Variants in GPR149 observed in about 807,000 individuals in gnomAD.
GPR149 encodes probable G protein-coupled receptor 149.
In GPR149, 50 loss-of-function variants were observed where a neutral mutation model predicts 50.2. That is an observed-to-expected ratio of 1.00 (90% CI 0.79 to 1.26). GPR149 has a LOEUF of 1.26. GPR149 is among the 50% of genes most tolerant of loss of function. The pLI is 0.00. For synonymous variants in GPR149, 405 were observed against 358.2 expected (o/e 1.13, Z -1.48); for missense variants, 983 against 895.4 (o/e 1.10, Z -1.25).
intron 3 of GPR149, among the ~76,000 whole-genome samples, chr3:154,411,547 A>G (rs544684049): frequency 6.6e-6 from 1 of 152,152 alleles, no homozygotes; most frequent in Non-Finnish European, 1.5e-5. Flanking sequence ...AATACAGAAG[A>G]TTATTCAAGG....
At chr3:154,361,348 G>C (rs1011987826) in intron 3 of GPR149, among the ~76,000 whole-genome samples, 8 of 152,152 alleles carry the variant, frequency 5.3e-5, no homozygotes, top group African/African-American at 1.7e-4. Context: ...TTCCTGGGGA[G>C]AGAATAGCAT....
chr3:154,415,456 A>G (rs1268591077), intron 3 of GPR149, among the ~76,000 whole-genome samples: 1 of 151,954 alleles, frequency 6.6e-6, no homozygotes, highest in Non-Finnish European at 1.5e-5. Flanking sequence ...ACTTGAGAAC[A>G]AATTTATATT....
At chr3:154,347,172 C>T (rs1337259136) in intron 3 of GPR149, among the ~76,000 whole-genome samples, 1 of 152,180 alleles carries the variant, frequency 6.6e-6, no homozygotes, top group Non-Finnish European at 1.5e-5. Flanking sequence ...TATATGCTGG[C>T]ATTGCACTTG....
At chr3:154,347,634 A>G (rs1713966962) in intron 3 of GPR149, among the ~76,000 whole-genome samples, 1 of 152,258 alleles carries the variant, frequency 6.6e-6, no homozygotes, top group Non-Finnish European at 1.5e-5. Flanking sequence ...AATTATTTAC[A>G]TTTTACAGAC....
intron 3 of GPR149, among the ~76,000 whole-genome samples, chr3:154,406,041 T>C (rs1711677089): frequency 6.6e-6 from 1 of 151,982 alleles, no homozygotes; most frequent in Admixed American, 6.6e-5. Context: ...GAACTAATAT[T>C]TCTAATATGT....
chr3:154,426,873 TGTGTG>T (rs1336043477), intron 2 of GPR149, among the ~76,000 whole-genome samples: 13 of 3,404 alleles, frequency 3.8e-3, no homozygotes, highest in Non-Finnish European at 0.013. Context: ...GACCAGGGCG[TGTGTG>T]TGTGTGTGTG....
At chr3:154,373,684 G>A (rs1714718917) in intron 3 of GPR149, among the ~76,000 whole-genome samples, 1 of 152,078 alleles carries the variant, frequency 6.6e-6, no homozygotes, top group South Asian at 2.1e-4. Context: ...CTACCTTCTT[G>A]TACTTAAATG....
rs764926533 is a variant in GPR149 at position 154,429,059 on chromosome 3, C to T, written c.557G>A (p.Cys186Tyr). Residue 186 changes from cysteine to tyrosine, a missense_variant, in exon 1 of 4, where the codon TGC (cysteine) becomes TAC (tyrosine). Physicochemically the swap from Cys to Tyr is radical, Grantham distance 194. Transcript: ENST00000389740. ...GAGGAATAGTACGTAGGAGCTGGAG[C>T]AGTCCACCAGGCAGCCCCAGGGCGT... ...VRTPWGCLVD[C>Y]SSSYVLFLSI... 15 of 1,613,918 alleles carry T rather than the reference C, an allele frequency of 9.3e-6. No homozygotes were observed. In the East Asian group the frequency reaches 2.9e-4, roughly 31 times the overall value.
At chr3:154,425,651 C>T (rs934316436) in intron 2 of GPR149, among the ~76,000 whole-genome samples, 12 of 151,970 alleles carry the variant, frequency 7.9e-5, no homozygotes, top group Admixed American at 3.3e-4. Flanking sequence ...TTTCATAAGC[C>T]TTCATATTTC....
chr3:154,376,407 A>G (rs1714793609), intron 3 of GPR149, among the ~76,000 whole-genome samples: 1 of 152,198 alleles, frequency 6.6e-6, no homozygotes, highest in Non-Finnish European at 1.5e-5. Flanking sequence ...ATATAAGTCA[A>G]TTTTCCCTGT....
chr3:154,421,344 C>G lies in GPR149; in HGVS notation c.1318G>C (p.Asp440His). Residue 440 changes from aspartate (D) to histidine (H), a missense_variant, in exon 3 of 4, where the codon GAC becomes CAC. Asp to His is a moderately conservative substitution (Grantham distance 81). Transcript: ENST00000389740. ...ATGTTACGGTTGTCTCTCTGAGGGTCTTTTGTAGTTTCACACTCAGAGTTC... is the reference window on the plus strand; with the variant it reads ...ATGTTACGGTTGTCTCTCTGAGGGTGTTTTGTAGTTTCACACTCAGAGTTC... The part of the protein sequence containing the change: ...LMNSECETTK[D>H]PQRDNRNIFN... 1 of 1,613,136 alleles carries G rather than the reference C, an allele frequency of 6.2e-7. No homozygotes were observed. Among genetic ancestry groups the G allele is most frequent in the Non-Finnish European group, 8.5e-7 (1 of 1,179,416 alleles).
chr3:154,354,528 C>G (rs533071239), intron 3 of GPR149, among the ~76,000 whole-genome samples: 32 of 152,166 alleles, frequency 2.1e-4, no homozygotes, highest in South Asian at 4.2e-4. Flanking sequence ...TTTCCAGCAC[C>G]CTGTGATCCT....
chr3:154,410,932 T>C (rs991989788), intron 3 of GPR149, among the ~76,000 whole-genome samples: 1 of 152,102 alleles, frequency 6.6e-6, no homozygotes, highest in African/African-American at 2.4e-5. Flanking sequence ...AAATAGACCA[T>C]ATGATAGGCC....
At chr3:154,404,635 G>A (rs1001030546) in intron 3 of GPR149, among the ~76,000 whole-genome samples, 2 of 152,164 alleles carry the variant, frequency 1.3e-5, no homozygotes, top group African/African-American at 4.8e-5. Flanking sequence ...AACAGTGTAT[G>A]GTAGTGAACA....
At chr3:154,391,853 A>G (rs1009602466) in intron 3 of GPR149, among the ~76,000 whole-genome samples, 10 of 151,832 alleles carry the variant, frequency 6.6e-5, no homozygotes, top group Non-Finnish European at 1.0e-4. Flanking sequence ...ATTTTAACCA[A>G]AAGAAAGACT....
intron 3 of GPR149, among the ~76,000 whole-genome samples, chr3:154,399,981 A>AATT (rs1052371849): frequency 1.2e-3 from 186 of 151,878 alleles, no homozygotes; most frequent in African/African-American, 3.7e-3. Flanking sequence ...TTGTATTTGA[A>AATT]ATTATTATTA....
At chr3:154,418,221 T>A (rs1250726740) in intron 3 of GPR149, among the ~76,000 whole-genome samples, 1 of 114,306 alleles carries the variant, frequency 8.7e-6, no homozygotes, top group Non-Finnish European at 1.8e-5. Context: ...TTGGTGGGAC[T>A]GTAAACTAGT....
intron 3 of GPR149, among the ~76,000 whole-genome samples, chr3:154,380,885 T>G (rs1714906697): frequency 6.6e-6 from 1 of 152,142 alleles, no homozygotes; most frequent in South Asian, 2.1e-4. Flanking sequence ...CAGAAAGAGC[T>G]GAAAGAAAAT....
chr3:154,400,452 A>G (rs933861595), intron 3 of GPR149, among the ~76,000 whole-genome samples: 8 of 152,154 alleles, frequency 5.3e-5, no homozygotes, highest in Admixed American at 5.2e-4. Flanking sequence ...ATCCTTTTCA[A>G]TATTCTTCAC....
Sources: gnomAD v4.1 joint callset for allele counts (sites outside exome capture counted in the v4.1 genomes callset) on GRCh38, gnomAD v4.1.1 for gene constraint, MANE v1.5 for transcripts, NCBI Gene and HGNC (gene_info 2026-07-23, HGNC 2026-07-21) for gene names.